The following PRKD1 variants were observed in gnomAD, a reference collection of about 807,000 sequenced individuals.
The protein encoded by PRKD1 is serine/threonine-protein kinase D1.
PRKD1 carries 63 observed loss-of-function variants against 95.9 expected under a neutral mutation model. That is an observed-to-expected ratio of 0.66 (90% CI 0.54 to 0.81). PRKD1 has a LOEUF of 0.81. Ranked by LOEUF, PRKD1 falls within the 30% of genes least tolerant of loss-of-function variation. The pLI, the probability that PRKD1 is intolerant of heterozygous loss-of-function variation, is 0.00. For synonymous variants in PRKD1, 425 were observed against 423.1 expected, an observed-to-expected ratio of 1.00 and a Z score of -0.05; for missense variants, 1,048 against 1,165.3, an observed-to-expected ratio of 0.90 and a Z score of 1.47.
intron 3 of PRKD1, 29 bp from the exon 4 acceptor site, chr14:29,663,888 A>T: frequency 6.3e-7 from 1 of 1,599,850 alleles, no homozygotes; most frequent in Non-Finnish European, 8.6e-7. Context: ...AATTATTTTT[A>T]TTGAACCATA....
intron 2 of PRKD1, among the ~76,000 whole-genome samples, chr14:29,690,405 C>T (rs1884160009): frequency 6.6e-6 from 1 of 152,156 alleles, no homozygotes; most frequent in Admixed American, 6.5e-5. Context: ...TCAATTTTGT[C>T]ATATTCCTAC....
At chr14:29,896,747 G>C (rs1305656128) in intron 1 of PRKD1, among the ~76,000 whole-genome samples, 1 of 150,450 alleles carries the variant, frequency 6.6e-6, no homozygotes, top group African/African-American at 2.4e-5. Context: ...AACAGGGAGA[G>C]AGCAGGAACC....
intron 2 of PRKD1, among the ~76,000 whole-genome samples, chr14:29,692,009 C>A (rs1339175783): frequency 6.6e-6 from 1 of 152,062 alleles, no homozygotes; most frequent in Non-Finnish European, 1.5e-5. Context: ...TAGTGCTCCA[C>A]CAGAACAAGT....
intron 1 of PRKD1, among the ~76,000 whole-genome samples, chr14:29,883,621 T>G (rs1440616328): frequency 6.6e-6 from 1 of 152,162 alleles, no homozygotes; most frequent in African/African-American, 2.4e-5. Context: ...GAACTTACTT[T>G]GGGAAAAGAC....
intron 1 of PRKD1, among the ~76,000 whole-genome samples, chr14:29,759,943 G>A (rs1887896661): frequency 6.6e-6 from 1 of 152,054 alleles, no homozygotes; most frequent in African/African-American, 2.4e-5. Context: ...CATATTCAGA[G>A]GTTTATGGTC....
At chr14:29,753,746 T>C (rs1429567670) in intron 1 of PRKD1, among the ~76,000 whole-genome samples, 1 of 152,168 alleles carries the variant, frequency 6.6e-6, no homozygotes, top group East Asian at 1.9e-4. Context: ...TTTTGGAATG[T>C]ATCCAAATTG....
At chr14:29,730,048 A>G (rs1886356491) in intron 1 of PRKD1, among the ~76,000 whole-genome samples, 1 of 152,060 alleles carries the variant, frequency 6.6e-6, no homozygotes, top group Non-Finnish European at 1.5e-5. Flanking sequence ...AAGACATCAA[A>G]CTAAAAAGCC....
chr14:29,888,919 T>C (rs548637746), intron 1 of PRKD1, among the ~76,000 whole-genome samples: 1 of 152,346 alleles, frequency 6.6e-6, no homozygotes, highest in East Asian at 1.9e-4. Context: ...TGAGTAAAGC[T>C]GGGCAAAGCT....
chr14:29,693,405 AATTTCCAC>A, intron 2 of PRKD1, among the ~76,000 whole-genome samples: 1 of 152,142 alleles, frequency 6.6e-6, no homozygotes, highest in Middle Eastern at 3.4e-3. Context: ...AAAAAATGTA[AATTTCCAC>A]ATTATAACAA....
At chr14:29,825,368 G>A (rs1891069858) in intron 1 of PRKD1, among the ~76,000 whole-genome samples, 1 of 152,118 alleles carries the variant, frequency 6.6e-6, no homozygotes, top group Non-Finnish European at 1.5e-5. Flanking sequence ...TTAAGACGTA[G>A]TCACTGGTCA....
chr14:29,918,310 T>G (rs1223898911), intron 1 of PRKD1, among the ~76,000 whole-genome samples: 2 of 152,114 alleles, frequency 1.3e-5, no homozygotes, highest in Admixed American at 6.5e-5. Context: ...CAAAGGGAAC[T>G]CAACGTGAGA....
intron 16 of PRKD1, among the ~76,000 whole-genome samples, chr14:29,585,391 T>C (rs1892886403): frequency 1.3e-5 from 2 of 152,186 alleles, no homozygotes; most frequent in African/African-American, 4.8e-5. Flanking sequence ...TTTTCAGTTC[T>C]TTCCTCTGTA....
intron 1 of PRKD1, chr14:29,811,851 C>G (rs1890497874): frequency 6.6e-6 from 1 of 152,026 alleles, no homozygotes; most frequent in South Asian, 2.1e-4. Flanking sequence ...AGCATAACAC[C>G]CCAAACAATT....
intron 2 of PRKD1, among the ~76,000 whole-genome samples, chr14:29,697,681 G>T (rs1485653744): frequency 6.6e-6 from 1 of 152,094 alleles, no homozygotes; most frequent in African/African-American, 2.4e-5. Flanking sequence ...AATTTTAGAA[G>T]ATCACACTTT....
chr14:29,733,962 C>A (rs114576465), intron 1 of PRKD1, among the ~76,000 whole-genome samples: 1,870 of 150,760 alleles, frequency 0.012, 28 homozygotes, highest in African/African-American at 0.044. Flanking sequence ...AAGTCTATCA[C>A]CTTTACCATT....
chr14:29,744,824 G>A (rs140745498), intron 1 of PRKD1, among the ~76,000 whole-genome samples: 79 of 152,290 alleles, frequency 5.2e-4, no homozygotes, highest in Non-Finnish European at 9.9e-4. Flanking sequence ...TGGAATTACA[G>A]GCATAGCCAC....
chr14:29,762,776 CTG>C (rs1196622550), intron 1 of PRKD1, among the ~76,000 whole-genome samples: 1 of 109,650 alleles, frequency 9.1e-6, no homozygotes, highest in Non-Finnish European at 2.1e-5. Flanking sequence ...TTTATTTTAT[CTG>C]TGTTGCCCAG....
chr14:29,722,818 T>C (rs968889624), intron 2 of PRKD1, among the ~76,000 whole-genome samples: 1 of 152,176 alleles, frequency 6.6e-6, no homozygotes, highest in African/African-American at 2.4e-5. Flanking sequence ...TACAAAGTCA[T>C]TGAAACTCCA....
At chr14:29,648,502 A>G (rs905653951) in intron 4 of PRKD1, among the ~76,000 whole-genome samples, 1 of 152,214 alleles carries the variant, frequency 6.6e-6, no homozygotes, top group Admixed American at 6.5e-5. Context: ...AATTATTGAA[A>G]GATGACAACC....
Sources: allele counts gnomAD v4.1 joint callset (sites outside exome capture counted in the v4.1 genomes callset), GRCh38; gene constraint gnomAD v4.1.1; transcripts MANE v1.5; gene names NCBI Gene and HGNC (gene_info 2026-07-23, HGNC 2026-07-21).